The following RTN3 variants were observed in gnomAD, a reference collection of about 807,000 sequenced individuals.
The protein encoded by RTN3 is reticulon-3.
In RTN3, 49 loss-of-function variants were observed where a neutral mutation model predicts 77.8. That is an observed-to-expected ratio of 0.63 (90% confidence interval 0.50 to 0.80). The LOEUF (loss-of-function observed/expected upper bound fraction) is 0.80, where lower values mean the gene tolerates loss of function less well. RTN3 is among the 30% of genes least tolerant of loss of function. The pLI is 0.00. For synonymous variants in RTN3, 464 were observed against 446.9 expected (o/e 1.04, Z -0.48); for missense variants, 1,236 against 1,211.9 (o/e 1.02, Z -0.29).
intron 1 of RTN3, 45 bp downstream of exon 1, chr11:63,681,823 G>A: frequency 6.7e-7 from 1 of 1,490,752 alleles, no homozygotes; most frequent in Non-Finnish European, 8.9e-7. Context: ...AGGGCGAGCG[G>A]GAGCCTGGGG....
chr11:63,716,537 A>G (rs992420813), intron 2 of RTN3, among the ~76,000 whole-genome samples: 1 of 152,256 alleles, frequency 6.6e-6, no homozygotes, highest in Non-Finnish European at 1.5e-5. Context: ...TATGCAAGAA[A>G]GACAGCGCCC....
At chr11:63,755,299 C>T (rs1840368099) in intron 7 of RTN3, among the ~76,000 whole-genome samples, 1 of 152,066 alleles carries the variant, frequency 6.6e-6, no homozygotes, top group African/African-American at 2.4e-5. Flanking sequence ...TTCACTTTAA[C>T]AAAGTGTGGG....
Position 63,720,086 on chromosome 11 carries a change from A to G in RTN3, c.1584A>G (p.Pro528=). ...KIQAEKPVSI[P]SAVVKTGERE... Reference sequence around the variant, plus strand: ...AGGCTGAAAAACCTGTTTCCATTCCAAGTGCTGTTGTAAAAACAGGTGAAA... The same window carrying G: ...AGGCTGAAAAACCTGTTTCCATTCCGAGTGCTGTTGTAAAAACAGGTGAAA... Residue 528 remains proline (P), a synonymous_variant, in exon 3 of 9, where the codon CCA becomes CCG. Coordinates refer to ENST00000377819, the MANE Select transcript of RTN3 (RefSeq NM_001265589.2). 2 of 1,613,836 alleles carry G rather than the reference A, an allele frequency of 1.2e-6. No homozygotes were observed. Among genetic ancestry groups the G allele is most frequent in the East Asian group, 2.2e-5 (1 of 44,886 alleles).
In RTN3 at chr11:63,742,869, TTTTGTTTG is replaced by T. The variant is rs527982138; in HGVS notation, c.2531-7102_2531-7095del. 5.9e-5 allele frequency among the ~76,000 whole-genome samples: 9 copies of T among 151,852 alleles called. No homozygotes were observed. The South Asian group carries it at 8.3e-4, about 14-fold the overall frequency. On this transcript the variant is annotated intron_variant, in intron 3 of 8. Coordinates refer to ENST00000377819, the MANE Select transcript of RTN3 (RefSeq NM_001265589.2). ...TATACCTAAGTTTATATATATATATTTTTGTTTGTTTGTTTGTTTGTTTGTTTTGAGAT... is the reference window on the plus strand; with the variant it reads ...TATACCTAAGTTTATATATATATATTTTTGTTTGTTTGTTTGTTTTGAGAT...
intron 2 of RTN3, chr11:63,714,052 A>C (rs1400763209): frequency 1.9e-6 from 1 of 517,988 alleles, no homozygotes; most frequent in African/African-American, 1.9e-5. Flanking sequence ...GCTGTTCTAA[A>C]AGGCTTATTA....
At chr11:63,723,843 A>T (rs2012008356) in intron 3 of RTN3, among the ~76,000 whole-genome samples, 1 of 152,176 alleles carries the variant, frequency 6.6e-6, no homozygotes, top group Non-Finnish European at 1.5e-5. Context: ...GAAACAATGA[A>T]AGAATTAGTG....
intron 1 of RTN3, among the ~76,000 whole-genome samples, chr11:63,683,183 T>C (rs1189066677): frequency 6.6e-6 from 1 of 152,166 alleles, no homozygotes; most frequent in Admixed American, 6.6e-5. Flanking sequence ...AAACAGGCAG[T>C]ATCAGGAAGC....
rs754454322 is a variant in RTN3, at chr11:63,734,734, A to AACACACACACACACACACACACAC, written c.2530+13727_2530+13750dup. On this transcript the variant is annotated intron_variant, in intron 3 of 8. Coordinates refer to ENST00000377819, the MANE Select transcript of RTN3 (RefSeq NM_001265589.2). Reference sequence around the variant, plus strand: ...GTGATAGAGGGAGACTCTGTCTCAAAACACACACACACACACACACACACA... The same window carrying AACACACACACACACACACACACAC: ...GTGATAGAGGGAGACTCTGTCTCAAAACACACACACACACACACACACACACACACACACACACACACACACACA... 4.9e-5 allele frequency among the ~76,000 whole-genome samples: 4 copies of AACACACACACACACACACACACAC among 81,226 alleles called. No homozygotes were observed. In the Admixed American group the frequency reaches 5.9e-4, roughly 12 times the overall value. The allele number at this position is 81,226 out of a possible 152,430, so 53.3% of individuals were successfully genotyped here.
At chr11:63,706,313 C>T (rs1942493202) in intron 2 of RTN3, among the ~76,000 whole-genome samples, 1 of 152,190 alleles carries the variant, frequency 6.6e-6, no homozygotes, top group Admixed American at 6.5e-5. Context: ...CCTCAGCTTT[C>T]TGAGTAGCTG....
At chr11:63,713,939 A>C in intron 2 of RTN3, 1 of 501,290 alleles carries the variant, frequency 2.0e-6, no homozygotes, top group South Asian at 1.5e-5. Context: ...AACTGCCTTC[A>C]GATTCACTGG....
At chr11:63,727,699 G>A (rs2012381157) in intron 3 of RTN3, among the ~76,000 whole-genome samples, 1 of 152,168 alleles carries the variant, frequency 6.6e-6, no homozygotes, top group African/African-American at 2.4e-5. Context: ...AGGCACAGTG[G>A]CTCACGTCTG....
At chr11:63,685,157 C>T (rs1555064277) in intron 1 of RTN3, among the ~76,000 whole-genome samples, 2 of 152,094 alleles carry the variant, frequency 1.3e-5, no homozygotes, top group Non-Finnish European at 2.9e-5. Flanking sequence ...GCAAGATCCT[C>T]ATTTGTTGGG....
chr11:63,726,338 A>G (rs1191692556), intron 3 of RTN3, among the ~76,000 whole-genome samples: 1 of 152,208 alleles, frequency 6.6e-6, no homozygotes, highest in Non-Finnish European at 1.5e-5. Context: ...TGAAGTGGGC[A>G]CCTGACAGGC....
At chr11:63,756,370 C>A (rs1485835295) in intron 8 of RTN3, among the ~76,000 whole-genome samples, 200 bp downstream of exon 8, 1 of 152,066 alleles carries the variant, frequency 6.6e-6, no homozygotes, top group Non-Finnish European at 1.5e-5. Context: ...CTTTTTCTGG[C>A]CCTGCCTTCT....
chr11:63,715,665 C>A (rs925096086), intron 2 of RTN3, among the ~76,000 whole-genome samples: 6 of 124,540 alleles, frequency 4.8e-5, no homozygotes, highest in Non-Finnish European at 1.2e-4. Flanking sequence ...CTAAAAAAAA[C>A]ACACAAAAAA....
At chr11:63,707,952 G>GT (rs1942577729) in intron 2 of RTN3, among the ~76,000 whole-genome samples, 1 of 152,322 alleles carries the variant, frequency 6.6e-6, no homozygotes, top group Admixed American at 6.5e-5. Flanking sequence ...AAGTAGCCCA[G>GT]TGGGGCCCTA....
At chr11:63,715,606 C>T (rs779462235) in intron 2 of RTN3, among the ~76,000 whole-genome samples, 2 of 152,086 alleles carry the variant, frequency 1.3e-5, no homozygotes, top group South Asian at 2.1e-4. Context: ...TGCAGTGAGC[C>T]GAGATTGCAC....
intron 1 of RTN3, among the ~76,000 whole-genome samples, chr11:63,694,972 A>ACAG (rs1248113292): frequency 6.6e-6 from 1 of 152,234 alleles, no homozygotes; most frequent in Admixed American, 6.6e-5. Flanking sequence ...ATGAGAGGGA[A>ACAG]CTGCTGTCTT....
intron 3 of RTN3, among the ~76,000 whole-genome samples, chr11:63,722,905 G>T (rs182456079): frequency 9.9e-5 from 15 of 152,128 alleles, no homozygotes; most frequent in Admixed American, 9.8e-4. Flanking sequence ...ATTCTTACAG[G>T]TAGTAACTTT....
Sources: gnomAD v4.1 joint callset for allele counts (sites outside exome capture counted in the v4.1 genomes callset) on GRCh38, gnomAD v4.1.1 for gene constraint, MANE v1.5 for transcripts, NCBI Gene and HGNC (gene_info 2026-07-23, HGNC 2026-07-21) for gene names.